DNAH5: variants seen among roughly 807,000 people sequenced by gnomAD.
DNAH5 encodes the protein axonemal beta dynein heavy chain 5.
In DNAH5, 372 loss-of-function variants were observed where a neutral mutation model predicts 518.2. The observed-to-expected ratio is 0.72, with a 90% CI of 0.66 to 0.78. The LOEUF (loss-of-function observed/expected upper bound fraction) is 0.78, where lower values mean the gene tolerates loss of function less well. Ranked by LOEUF, DNAH5 falls within the 30% of genes least tolerant of loss-of-function variation. The pLI, the probability that DNAH5 is intolerant of heterozygous loss-of-function variation, is 0.00. For missense variants in DNAH5, 5,523 were observed against 5,687.0 expected (o/e 0.97, Z 0.93); for synonymous variants, 2,039 against 2,025.9 (o/e 1.01, Z -0.17).
At chr5:13,929,386 G>T (rs114230941) in intron 2 of DNAH5, among the ~76,000 whole-genome samples, 2,647 of 152,276 alleles carry the variant, frequency 0.017, 73 homozygotes, top group African/African-American at 0.06. Flanking sequence ...TTCTGTTTTT[G>T]TAATAAAAAG....
At chr5:13,979,160 C>G (rs907706711) in intron 1 of DNAH5, among the ~76,000 whole-genome samples, 1 of 152,136 alleles carries the variant, frequency 6.6e-6, no homozygotes, top group Non-Finnish European at 1.5e-5. Context: ...TCACTGTTCC[C>G]TTTGCAGCAA....
chr5:13,756,263 A>C (rs941530622), intron 61 of DNAH5, among the ~76,000 whole-genome samples: 2 of 152,202 alleles, frequency 1.3e-5, no homozygotes, highest in Non-Finnish European at 2.9e-5. Context: ...CTGGACTTTC[A>C]TGGAGTCCTA....
intron 40 of DNAH5, among the ~76,000 whole-genome samples, chr5:13,822,186 A>T (rs1352044568): frequency 1.3e-5 from 2 of 152,044 alleles, no homozygotes; most frequent in African/African-American, 4.8e-5. Flanking sequence ...ACATTTATAT[A>T]CTAAATTTTT....
intron 68 of DNAH5, among the ~76,000 whole-genome samples, chr5:13,733,334 C>T (rs1215995388): frequency 1.3e-5 from 2 of 152,170 alleles, no homozygotes; most frequent in African/African-American, 4.8e-5. Flanking sequence ...AGTATTTCAA[C>T]AAGAGCTGGA....
At chr5:13,731,305 A>T (rs1236406110) in intron 68 of DNAH5, among the ~76,000 whole-genome samples, 1 of 152,256 alleles carries the variant, frequency 6.6e-6, no homozygotes, top group East Asian at 1.9e-4. Context: ...TGTGTTGAAT[A>T]AAATTTTGCA....
At chr5:13,721,450 T>A (rs533521076) in intron 70 of DNAH5, among the ~76,000 whole-genome samples, 3 of 152,268 alleles carry the variant, frequency 2.0e-5, no homozygotes, top group South Asian at 4.1e-4. Context: ...GCTTACCCAG[T>A]ACAAAATCAG....
intron 40 of DNAH5, among the ~76,000 whole-genome samples, chr5:13,820,916 A>T (rs969001380): frequency 6.6e-6 from 1 of 151,678 alleles, no homozygotes; most frequent in African/African-American, 2.4e-5. Flanking sequence ...AAGGAGGAGG[A>T]TTTACTGTTT....
At position 13,981,052 on chromosome 5, in the gene DNAH5, C is replaced by T. The variant is rs115533462; in HGVS notation, c.12+30596G>A. 2.3e-3 allele frequency among the ~76,000 whole-genome samples: 350 copies of T among 152,336 alleles called. 1 individual carries two copies. The highest frequency in any genetic ancestry group is 8.1e-3 in the African/African-American group (336 of 41,580). ...AGTAGCAAGCCCTGACTCCCACCCACTCTCTGCAACCTTCTCCAGCTCCCT... is the reference window on the plus strand; with the variant it reads ...AGTAGCAAGCCCTGACTCCCACCCATTCTCTGCAACCTTCTCCAGCTCCCT... On this transcript the variant is annotated intron_variant, in intron 1 of 78. Transcript: ENST00000681290.
At chr5:13,828,077 A>C (rs1763137616) in intron 38 of DNAH5, among the ~76,000 whole-genome samples, 1 of 152,248 alleles carries the variant, frequency 6.6e-6, no homozygotes, top group South Asian at 2.1e-4. Context: ...TAATACAATA[A>C]GAATGAGTGA....
chr5:13,715,346 T>A (rs1313622939), intron 74 of DNAH5, among the ~76,000 whole-genome samples: 7 of 152,212 alleles, frequency 4.6e-5, no homozygotes, highest in African/African-American at 1.7e-4. Context: ...AATATCTTCT[T>A]ATGAGCTACC....
chr5:13,837,655 T>C lies in DNAH5; in HGVS notation c.5882+1701A>G, dbSNP rs1193904939. ...AGGCAGAAGACATAAAATAACCACATAAGCATTTTATGAGAAATTCCTATT... is the reference window on the plus strand; with the variant it reads ...AGGCAGAAGACATAAAATAACCACACAAGCATTTTATGAGAAATTCCTATT... On this transcript the variant is annotated intron_variant, in intron 35 of 78. Transcript: ENST00000265104. Among the ~76,000 whole-genome samples, 3 of 146,416 alleles carry C rather than the reference T, an allele frequency of 2.0e-5. No homozygotes were observed. In the East Asian group the frequency reaches 6.1e-4, roughly 30 times the overall value.
chr5:13,753,218 T>A lies in DNAH5; in HGVS notation c.10872+15A>T, dbSNP rs528801757. ...AACTTAACCGGTAGCATAAACATACTAAAACACAAATTACCTGGAGTTCAT... is the reference window on the plus strand; with the variant it reads ...AACTTAACCGGTAGCATAAACATACAAAAACACAAATTACCTGGAGTTCAT... On this transcript the variant is annotated intron_variant, in intron 63 of 78. Transcript: ENST00000265104. 1 of 1,605,656 alleles carries A rather than the reference T, an allele frequency of 6.2e-7. No individual in the cohort carries two copies. Among genetic ancestry groups the A allele is most frequent in the Admixed American group, 1.7e-5 (1 of 59,978 alleles).
intron 61 of DNAH5, among the ~76,000 whole-genome samples, chr5:13,757,317 G>A (rs1751136940): frequency 6.6e-6 from 1 of 152,164 alleles, no homozygotes. Context: ...CTTACACTCT[G>A]ACCAGCAGTG....
chr5:13,738,127 G>A (rs1280092009), intron 65 of DNAH5, among the ~76,000 whole-genome samples: 2 of 149,944 alleles, frequency 1.3e-5, no homozygotes, highest in Non-Finnish European at 3.0e-5. Context: ...ACAGAGGAAG[G>A]AAGAATAGGT....
intron 15 of DNAH5, chr5:13,897,897 T>A (rs1580793677): frequency 6.6e-6 from 1 of 152,220 alleles, no homozygotes. Context: ...GTGAGACATC[T>A]GAGGCTATTA....
chr5:13,748,252 AC>A (rs1749689707), intron 65 of DNAH5, among the ~76,000 whole-genome samples: 1 of 152,122 alleles, frequency 6.6e-6, no homozygotes, highest in Admixed American at 6.5e-5. Flanking sequence ...CTGTTTTGGT[AC>A]CAGTACCATG....
At chr5:13,826,856 A>C (rs1410711845) in intron 38 of DNAH5, among the ~76,000 whole-genome samples, 1 of 152,212 alleles carries the variant, frequency 6.6e-6, no homozygotes, top group Non-Finnish European at 1.5e-5. Flanking sequence ...AGACTGAAGA[A>C]ATGTGGGAAA....
In DNAH5 at chr5:13,770,745, T is replaced by C; in HGVS notation, c.9605+4A>G. On this transcript the variant is annotated splice_donor_region_variant and intron_variant, in intron 56 of 78. Coordinates refer to ENST00000265104, the MANE Select transcript of DNAH5 (RefSeq NM_001369.3). Reference sequence around the variant, plus strand: ...ATAGCTTTGTATAAGAACATCACACTTACCTGTTGGCCAGGGTCCGCACCT... The same window carrying C: ...ATAGCTTTGTATAAGAACATCACACCTACCTGTTGGCCAGGGTCCGCACCT... The C allele has an allele frequency of 6.2e-7, 1 of 1,612,342 alleles. No individual in the cohort carries two copies. The highest frequency in any genetic ancestry group is 1.1e-5 in the South Asian group (1 of 91,018).
chr5:13,910,989 C>A (rs1252604455), intron 12 of DNAH5, among the ~76,000 whole-genome samples: 1 of 152,190 alleles, frequency 6.6e-6, no homozygotes, highest in African/African-American at 2.4e-5. Context: ...CAGTGGCAGC[C>A]CTGCCTTGGA....
Sources: allele counts gnomAD v4.1 joint callset (sites outside exome capture counted in the v4.1 genomes callset), GRCh38; gene constraint gnomAD v4.1.1; transcripts MANE v1.5; gene names NCBI Gene and HGNC (gene_info 2026-07-23, HGNC 2026-07-21).